ENPP1: variants seen among roughly 807,000 people sequenced by gnomAD.
The protein encoded by ENPP1 is ectonucleotide pyrophosphatase/phosphodiesterase family member 1.
ENPP1 carries 73 observed loss-of-function variants against 122.8 expected under a neutral mutation model. The observed-to-expected ratio is 0.59, with a 90% CI of 0.49 to 0.72. ENPP1 has a LOEUF of 0.72. Ranked by LOEUF, ENPP1 falls within the 30% of genes least tolerant of loss-of-function variation. ENPP1 has a pLI of 0.00. For missense variants in ENPP1, 978 were observed against 1,128.1 expected, an observed-to-expected ratio of 0.87 and a Z score of 1.91; for synonymous variants, 367 against 391.6, an observed-to-expected ratio of 0.94 and a Z score of 0.74.
chr6:131,878,431 T>C (rs1316382261), intron 18 of ENPP1, 111 bp from the exon 19 acceptor site: 2 of 750,194 alleles, frequency 2.7e-6, no homozygotes, highest in Admixed American at 2.0e-5. Flanking sequence ...TACAAGACTA[T>C]CATAAATGAT....
chr6:131,850,143 A>G (rs779613696), intron 3 of ENPP1, 37 bp downstream of exon 3: 1 of 1,335,064 alleles, frequency 7.5e-7, no homozygotes, highest in Non-Finnish European at 1.1e-6. Flanking sequence ...AGTTATGGTC[A>G]TTAGGAAAAG....
Position 131,808,290 on chromosome 6 carries a change from A to G in ENPP1, c.240+15A>G. On this transcript the variant is annotated intron_variant, in intron 1 of 24. Coordinates refer to ENST00000647893, the MANE Select transcript of ENPP1 (RefSeq NM_006208.3). ...TACTCTCGCTGGTAGGTCCGCGGCC[A>G]GGCCCCGGCGCCCGGGAGGGCTGGG... 1.3e-6 allele frequency: 2 copies of G among 1,485,722 alleles called. No individual in the cohort carries two copies. Among genetic ancestry groups the G allele is most frequent in the South Asian group, 2.6e-5 (2 of 76,574 alleles). 92.0% of individuals were successfully genotyped at this position (1,485,722 alleles called of 1,614,324 possible).
At chr6:131,853,339 A>G (rs1585817228) in intron 5 of ENPP1, among the ~76,000 whole-genome samples, 1 of 152,298 alleles carries the variant, frequency 6.6e-6, no homozygotes, top group Non-Finnish European at 1.5e-5. Context: ...AGACTTAGTG[A>G]ATTTCAAATC....
intron 1 of ENPP1, among the ~76,000 whole-genome samples, chr6:131,823,690 C>T (rs1298759690): frequency 4.6e-5 from 7 of 151,438 alleles, no homozygotes; most frequent in Admixed American, 2.6e-4. Context: ...GCTCTTTGGC[C>T]CCATCTCCCT....
At chr6:131,819,087 GT>G (rs1005455628) in intron 1 of ENPP1, among the ~76,000 whole-genome samples, 15 of 151,976 alleles carry the variant, frequency 9.9e-5, no homozygotes, top group African/African-American at 3.1e-4. Flanking sequence ...GAGGAATGTG[GT>G]TTTTTTTCAT....
rs1328525505 is a variant in ENPP1, at chr6:131,835,448, T to C, written c.241-12328T>C. Among the ~76,000 whole-genome samples the C allele has an allele frequency of 5.3e-5, 8 of 152,252 alleles. No individual in the cohort carries two copies. In the East Asian group the frequency reaches 1.3e-3, roughly 26 times the overall value. On this transcript the variant is annotated intron_variant, in intron 1 of 24. Coordinates refer to ENST00000647893, the MANE Select transcript of ENPP1 (RefSeq NM_006208.3). ...CGTACTAAAATATCTTTTTCTGGAT[T>C]ACTAATTTTAGTTTGGAGAAGAATC...
intron 1 of ENPP1, among the ~76,000 whole-genome samples, chr6:131,811,000 GTAT>G (rs1781342633): frequency 6.6e-6 from 1 of 152,124 alleles, no homozygotes; most frequent in African/African-American, 2.4e-5. Flanking sequence ...GGAAAAACAA[GTAT>G]TATTCTCTAC....
chr6:131,887,864 C>CTTTTTT (rs576073873), intron 24 of ENPP1, among the ~76,000 whole-genome samples: 2 of 104,710 alleles, frequency 1.9e-5, no homozygotes, highest in African/African-American at 4.0e-5. Flanking sequence ...CGTGCCTGGC[C>CTTTTTT]TTTTTTTTTT....
At chr6:131,880,817 C>T (rs1244462599) in intron 20 of ENPP1, among the ~76,000 whole-genome samples, 1 of 152,068 alleles carries the variant, frequency 6.6e-6, no homozygotes, top group Non-Finnish European at 1.5e-5. Flanking sequence ...TATAGGAAGA[C>T]ACGAGCCCAA....
chr6:131,880,516 A>G (rs1282141081), intron 20 of ENPP1, among the ~76,000 whole-genome samples: 2 of 151,828 alleles, frequency 1.3e-5, no homozygotes, highest in Non-Finnish European at 2.9e-5. Context: ...GCAGTGAGCC[A>G]AGATGGCGCC....
chr6:131,886,839 C>G, intron 24 of ENPP1, 115 bp downstream of exon 24: 1 of 758,926 alleles, frequency 1.3e-6, no homozygotes, highest in Non-Finnish European at 2.1e-6. Flanking sequence ...TACACATGGA[C>G]TTCGAAATTA....
intron 1 of ENPP1, among the ~76,000 whole-genome samples, chr6:131,811,220 T>G (rs576201538): frequency 1.4e-4 from 22 of 152,274 alleles, no homozygotes; most frequent in Admixed American, 1.4e-3. Flanking sequence ...GCATTTTTTT[T>G]GTGTTGTTTG....
intron 11 of ENPP1, among the ~76,000 whole-genome samples, chr6:131,865,544 A>G (rs1387897330): frequency 6.6e-6 from 1 of 152,250 alleles, no homozygotes. Flanking sequence ...GCCAGCGCCT[A>G]GCTATGTTTT....
intron 1 of ENPP1, chr6:131,819,988 A>G: frequency 1.8e-6 from 1 of 561,156 alleles, no homozygotes; most frequent in Non-Finnish European, 3.4e-6. Context: ...GAAAAGCAAA[A>G]CCACAAACTC....
chr6:131,837,253 C>T (rs183385581), intron 1 of ENPP1, among the ~76,000 whole-genome samples: 63 of 150,904 alleles, frequency 4.2e-4, no homozygotes, highest in Non-Finnish European at 6.5e-4. Context: ...AGGCCAGACA[C>T]GATGGCTCAT....
rs1348337954 is a variant in ENPP1, at chr6:131,847,768, C to T, written c.241-8C>T. Reference sequence around the variant, plus strand: ...GAAACCATGTAATTTTCTCTTTTCTCCCTACAGGTATTGTCAGTATGTGTG... The same window carrying T: ...GAAACCATGTAATTTTCTCTTTTCTTCCTACAGGTATTGTCAGTATGTGTG... On this transcript the variant is annotated splice_polypyrimidine_tract_variant and splice_region_variant and intron_variant, in intron 1 of 24. Coordinates refer to ENST00000647893, the MANE Select transcript of ENPP1 (RefSeq NM_006208.3). 1.3e-6 allele frequency: 2 copies of T among 1,592,000 alleles called. No homozygotes were observed. The highest frequency in any genetic ancestry group is 1.7e-6 in the Non-Finnish European group (2 of 1,162,770).
chr6:131,858,299 T>G (rs925059247), intron 6 of ENPP1, among the ~76,000 whole-genome samples: 2 of 152,236 alleles, frequency 1.3e-5, no homozygotes, highest in Non-Finnish European at 2.9e-5. Flanking sequence ...ATCCTTGTTT[T>G]AATTTATAGA....
chr6:131,862,795 C>G (rs1423753734), intron 9 of ENPP1, among the ~76,000 whole-genome samples: 1 of 152,188 alleles, frequency 6.6e-6, no homozygotes, highest in Non-Finnish European at 1.5e-5. Context: ...GGTTCAGACT[C>G]TTACAGCTGG....
intron 1 of ENPP1, chr6:131,819,938 T>TA: frequency 2.0e-6 from 1 of 497,380 alleles, no homozygotes; most frequent in Non-Finnish European, 3.7e-6. Flanking sequence ...TTCCATAGCT[T>TA]CTTTTTTTTT....
Sources: gnomAD v4.1 joint callset for allele counts (sites outside exome capture counted in the v4.1 genomes callset) on GRCh38, gnomAD v4.1.1 for gene constraint, MANE v1.5 for transcripts, NCBI Gene and HGNC (gene_info 2026-07-23, HGNC 2026-07-21) for gene names.